Variants in TRERF1 observed in about 807,000 individuals in gnomAD.
TRERF1 encodes the protein transcriptional-regulating factor 1.
In TRERF1, 27 loss-of-function variants were observed where a neutral mutation model predicts 122.9. The observed-to-expected ratio is 0.22, with a 90% CI of 0.16 to 0.30. The LOEUF is 0.30. Ranked by LOEUF, TRERF1 falls within the 10% of genes least tolerant of loss-of-function variation. The pLI, the probability that TRERF1 is intolerant of heterozygous loss-of-function variation, is 1.00. For synonymous variants in TRERF1, 636 were observed against 641.7 expected (o/e 0.99, Z 0.13); for missense variants, 1,248 against 1,560.3 (o/e 0.80, Z 3.37).
At chr6:42,418,266 CTTTTTTTTTT>C (rs60655151) in intron 2 of TRERF1, among the ~76,000 whole-genome samples, 1 of 37,016 alleles carries the variant, frequency 2.7e-5, no homozygotes, top group East Asian at 9.2e-4. Context: ...TTCTTTCTTT[CTTTTTTTTTT>C]TTTTTTTTCC....
intron 3 of TRERF1, among the ~76,000 whole-genome samples, chr6:42,326,914 C>A (rs1561994997): frequency 6.6e-6 from 1 of 152,108 alleles, no homozygotes; most frequent in Non-Finnish European, 1.5e-5. Flanking sequence ...ACAATATAAC[C>A]AACCACTTCC....
At chr6:42,432,939 C>T (rs1784707527) in intron 2 of TRERF1, among the ~76,000 whole-genome samples, 1 of 151,692 alleles carries the variant, frequency 6.6e-6, no homozygotes, top group African/African-American at 2.4e-5. Context: ...CGAAATTAGA[C>T]TTCGCTTTCA....
intron 2 of TRERF1, among the ~76,000 whole-genome samples, chr6:42,416,540 GA>G (rs911725325): frequency 6.6e-6 from 1 of 151,990 alleles, no homozygotes; most frequent in Non-Finnish European, 1.5e-5. Flanking sequence ...TCCTGTTCTG[GA>G]ACTCCCGTGA....
chr6:42,265,948 C>T (rs888633665), intron 5 of TRERF1, 151 bp from the exon 6 acceptor site: 1 of 774,368 alleles, frequency 1.3e-6, no homozygotes, highest in Non-Finnish European at 2.1e-6. Flanking sequence ...TCCACTCACT[C>T]CCTCACTCTT....
intron 3 of TRERF1, among the ~76,000 whole-genome samples, chr6:42,325,570 A>G (rs1379472522): frequency 6.6e-6 from 1 of 152,194 alleles, no homozygotes; most frequent in African/African-American, 2.4e-5. Flanking sequence ...AATGCTATGC[A>G]GCCATAAAAA....
At chr6:42,256,920 A>G (rs1326907948) in intron 11 of TRERF1, 43 bp downstream of exon 11, 1 of 1,613,576 alleles carries the variant, frequency 6.2e-7, no homozygotes, top group Non-Finnish European at 8.5e-7. Context: ...TCTCAGTGAG[A>G]GAATCAAACC....
In TRERF1 at chr6:42,259,256, A is replaced by T; in HGVS notation, c.2269+83T>A. 7.0e-7 allele frequency: 1 copy of T among 1,437,726 alleles called. No homozygotes were observed. Among genetic ancestry groups the T allele is most frequent in the Non-Finnish European group, 9.1e-7 (1 of 1,100,548 alleles). 89.1% of individuals were successfully genotyped at this position (1,437,726 alleles called of 1,614,324 possible). A position where few individuals can be genotyped will look rare whatever the true frequency, so the allele number is the denominator to read the frequency against. On this transcript the variant is annotated intron_variant, in intron 9 of 17. Coordinates refer to ENST00000372922, the Ensembl canonical transcript of TRERF1. The surrounding 1 kb of genome is among the most constrained non-coding windows in gnomAD (Gnocchi z 4.9). ...ATACTCCGCAAAAGTCTGTGGGATAAATGAGAAAGCTAAAGAAAACGAGAT... is the reference window on the plus strand; with the variant it reads ...ATACTCCGCAAAAGTCTGTGGGATATATGAGAAAGCTAAAGAAAACGAGAT...
Position 42,393,068 on chromosome 6 carries a change from C to A in TRERF1, c.-453-29989G>T, listed in dbSNP as rs1357506065. 6.6e-6 allele frequency among the ~76,000 whole-genome samples: 1 copy of A among 152,166 alleles called. No individual in the cohort carries two copies. The highest frequency in any genetic ancestry group is 1.5e-5 in the Non-Finnish European group (1 of 68,038). Reference sequence around the variant, plus strand: ...AAGAGACATGCACAGTTAACTCCCACGAGCTGGTGCGAGCCAGCTTCCACA... The same window carrying A: ...AAGAGACATGCACAGTTAACTCCCAAGAGCTGGTGCGAGCCAGCTTCCACA... On this transcript the variant is annotated intron_variant, in intron 2 of 17. Coordinates refer to ENST00000372922, the Ensembl canonical transcript of TRERF1. The surrounding 1 kb of genome is among the most constrained non-coding windows in gnomAD (Gnocchi z 4.1).
At chr6:42,343,674 C>G (rs993401669) in intron 3 of TRERF1, among the ~76,000 whole-genome samples, 1 of 152,154 alleles carries the variant, frequency 6.6e-6, no homozygotes, top group African/African-American at 2.4e-5. Flanking sequence ...AAGAGAACTT[C>G]TGGAAGGAGG....
intron 3 of TRERF1, among the ~76,000 whole-genome samples, chr6:42,351,220 G>A (rs1244026605): frequency 6.6e-6 from 1 of 152,166 alleles, no homozygotes; most frequent in African/African-American, 2.4e-5. Flanking sequence ...TTTCTGAAGG[G>A]CCATCTGGTG....
At chr6:42,433,420 G>GA (rs113663769) in intron 2 of TRERF1, among the ~76,000 whole-genome samples, 44 of 140,692 alleles carry the variant, frequency 3.1e-4, no homozygotes, top group East Asian at 1.2e-3. Context: ...AATCCAAACA[G>GA]AAAAAAAAAA....
At chr6:42,352,110 T>G (rs1236309454) in intron 3 of TRERF1, among the ~76,000 whole-genome samples, 2 of 152,006 alleles carry the variant, frequency 1.3e-5, no homozygotes, top group African/African-American at 4.8e-5. Flanking sequence ...GCTCAGGTGG[T>G]CCTCCCACCT....
chr6:42,297,733 C>T (rs926001052), intron 4 of TRERF1, among the ~76,000 whole-genome samples: 2 of 152,126 alleles, frequency 1.3e-5, no homozygotes, highest in Non-Finnish European at 2.9e-5. Context: ...GTAATGCCCA[C>T]CAGACAACCA....
intron 13 of TRERF1, among the ~76,000 whole-genome samples, chr6:42,252,415 C>A (rs1318134207): frequency 1.3e-5 from 2 of 152,236 alleles, no homozygotes; most frequent in African/African-American, 2.4e-5. Context: ...GCCTGGGAGA[C>A]CTGAACTCCC....
intron 2 of TRERF1, among the ~76,000 whole-genome samples, chr6:42,432,554 A>G (rs1296315358): frequency 6.6e-6 from 1 of 152,218 alleles, no homozygotes; most frequent in Non-Finnish European, 1.5e-5. Flanking sequence ...AAAAAATCAC[A>G]TGATGGGCCA....
chr6:42,417,880 T>G (rs1582109026), intron 2 of TRERF1, among the ~76,000 whole-genome samples: 1 of 152,154 alleles, frequency 6.6e-6, no homozygotes, highest in East Asian at 1.9e-4. Flanking sequence ...CTGCAGAGGG[T>G]GAATAAACCA....
At chr6:42,376,928 C>T (rs975439848) in intron 2 of TRERF1, among the ~76,000 whole-genome samples, 4 of 145,044 alleles carry the variant, frequency 2.8e-5, no homozygotes, top group Non-Finnish European at 4.6e-5. Flanking sequence ...TGCAGTGGCG[C>T]GATCTGAGCT....
At chr6:42,361,002 G>A (rs1481604760) in intron 3 of TRERF1, among the ~76,000 whole-genome samples, 1 of 152,154 alleles carries the variant, frequency 6.6e-6, no homozygotes, top group Non-Finnish European at 1.5e-5. Context: ...TGGGAAACGA[G>A]CTTCTATGGC....
chr6:42,306,206 T>C (rs1787215846), intron 3 of TRERF1, among the ~76,000 whole-genome samples: 1 of 151,960 alleles, frequency 6.6e-6, no homozygotes, highest in South Asian at 2.1e-4. Context: ...TTTGCCATAT[T>C]GGCCAGTCTG....
Sources: allele counts gnomAD v4.1 joint callset (sites outside exome capture counted in the v4.1 genomes callset), GRCh38; gene constraint gnomAD v4.1.1; non-coding constraint Gnocchi (gnomAD v3.1); transcripts MANE v1.5; gene names NCBI Gene and HGNC (gene_info 2026-07-23, HGNC 2026-07-21).